ATXN1: variants seen among roughly 807,000 people sequenced by gnomAD.
ATXN1 encodes the protein ataxin-1.
A neutral mutation model predicts 56.4 loss-of-function variants in ATXN1; 8 were observed. The observed-to-expected ratio is 0.14, with a 90% CI of 0.08 to 0.26. The LOEUF is 0.26. Ranked by LOEUF, ATXN1 falls within the 10% of genes least tolerant of loss-of-function variation. The pLI is 1.00. For missense variants in ATXN1, 987 were observed against 1,106.5 expected, an observed-to-expected ratio of 0.89 and a Z score of 1.53; for synonymous variants, 514 against 494.6, an observed-to-expected ratio of 1.04 and a Z score of -0.52.
At chr6:16,727,846 C>G (rs551800034) in intron 2 of ATXN1, among the ~76,000 whole-genome samples, 1 of 152,190 alleles carries the variant, frequency 6.6e-6, no homozygotes, top group Non-Finnish European at 1.5e-5. Context: ...TCGTCAGAGA[C>G]CGTTTCCTCC....
rs151067716 is a variant in ATXN1 at position 16,682,045 on chromosome 6, G to T, written c.-614-24144C>A. Among the ~76,000 whole-genome samples the T allele has an allele frequency of 7.9e-5, 12 of 152,040 alleles. No individual in the cohort carries two copies. The East Asian group carries it at 2.3e-3, about 29-fold the overall frequency. ...CTTGGTTAGCCGCTGTTCTCCTTCC[G>T]AATGCCCCCATACCTGCCAACATCT... On this transcript the variant is annotated intron_variant, in intron 2 of 7. Transcript: ENST00000436367.
intron 3 of ATXN1, among the ~76,000 whole-genome samples, chr6:16,617,331 A>C (rs188416699): frequency 5.3e-5 from 8 of 152,300 alleles, no homozygotes; most frequent in Admixed American, 3.9e-4. Flanking sequence ...CTATTAAATT[A>C]AATTTTATTT....
intron 4 of ATXN1, among the ~76,000 whole-genome samples, chr6:16,543,631 C>CCAAA: frequency 1.6e-5 from 1 of 62,118 alleles, no homozygotes; most frequent in East Asian, 1.1e-3. Context: ...AGCTATTTTC[C>CCAAA]TAAAAAAAAA....
At chr6:16,581,195 C>CTGTGTGTGTGTGTGTG (rs60028007) in intron 4 of ATXN1, among the ~76,000 whole-genome samples, 23 of 140,258 alleles carry the variant, frequency 1.6e-4, no homozygotes, top group African/African-American at 5.9e-4. Context: ...CGAGAATGCA[C>CTGTGTGTGTGTGTGTG]TGTGTGTGTG....
chr6:16,415,653 C>T (rs1020903175), intron 6 of ATXN1, among the ~76,000 whole-genome samples: 1 of 152,244 alleles, frequency 6.6e-6, no homozygotes, highest in Admixed American at 6.5e-5. Flanking sequence ...CTGCCTGGTT[C>T]TCGGCTCACA....
chr6:16,364,497 G>A (rs1179148925), intron 6 of ATXN1, among the ~76,000 whole-genome samples: 1 of 152,056 alleles, frequency 6.6e-6, no homozygotes, highest in African/African-American at 2.4e-5. Flanking sequence ...TAGAGATAGG[G>A]TTTCACTGTG....
intron 3 of ATXN1, among the ~76,000 whole-genome samples, chr6:16,622,257 GTAATGCAA>G (rs1763331721): frequency 6.6e-6 from 1 of 152,202 alleles, no homozygotes; most frequent in Admixed American, 6.5e-5. Context: ...TTATTTTAGA[GTAATGCAA>G]AGACCCTGAG....
intron 5 of ATXN1, among the ~76,000 whole-genome samples, chr6:16,490,106 T>C (rs1412030519): frequency 6.8e-6 from 1 of 147,464 alleles, no homozygotes; most frequent in African/African-American, 2.5e-5. Context: ...CAATGATACC[T>C]GTCTATTTCA....
chr6:16,484,977 G>A lies in ATXN1; in HGVS notation c.-161+995C>T, dbSNP rs567955258. ...TGTGTGTGTGTGTGTGTGTGTGTGT[G>A]TGTGTGTGTGTGTGTACACGCACAC... On this transcript the variant is annotated intron_variant, in intron 6 of 7. Transcript: ENST00000436367. 2.6e-4 allele frequency among the ~76,000 whole-genome samples: 35 copies of A among 136,470 alleles called. 1 individual carries two copies. Among genetic ancestry groups the A allele is most frequent in the African/African-American group, 8.0e-4 (31 of 38,846 alleles). 89.5% of individuals were successfully genotyped at this position (136,470 alleles called of 152,430 possible). A position where few individuals can be genotyped will look rare whatever the true frequency, so the allele number is the denominator to read the frequency against.
At position 16,545,797 on chromosome 6, in the gene ATXN1, G is replaced by A. The variant is rs1033937272; in HGVS notation, c.-360-23109C>T. Among the ~76,000 whole-genome samples, 3 of 152,330 alleles carry A rather than the reference G, an allele frequency of 2.0e-5. No homozygotes were observed. In the East Asian group the frequency reaches 5.8e-4, roughly 29 times the overall value. Reference sequence around the variant, plus strand: ...TGGCACTTGGTAGCAAAGAAAGCCTGAAAATATTCACATTTAGTGAATGCA... The same window carrying A: ...TGGCACTTGGTAGCAAAGAAAGCCTAAAAATATTCACATTTAGTGAATGCA... On this transcript the variant is annotated intron_variant, in intron 4 of 7. Transcript: ENST00000436367.
At chr6:16,414,698 T>C (rs753728395) in intron 6 of ATXN1, among the ~76,000 whole-genome samples, 18 of 152,228 alleles carry the variant, frequency 1.2e-4, no homozygotes, top group Non-Finnish European at 2.9e-5. Flanking sequence ...GCCTTTTTAT[T>C]TGAGTTTATC....
At chr6:16,593,153 G>T (rs1369140910) in intron 3 of ATXN1, among the ~76,000 whole-genome samples, 1 of 152,054 alleles carries the variant, frequency 6.6e-6, no homozygotes, top group African/African-American at 2.4e-5. Context: ...TAATACCCTT[G>T]GAAGACAGAA....
intron 2 of ATXN1, among the ~76,000 whole-genome samples, chr6:16,749,749 G>A (rs915142300): frequency 6.6e-6 from 1 of 152,132 alleles, no homozygotes; most frequent in Non-Finnish European, 1.5e-5. Flanking sequence ...ACCAGCTGAC[G>A]TCATCCCTGA....
chr6:16,411,139 A>AAG (rs1345169055), intron 6 of ATXN1, among the ~76,000 whole-genome samples: 12 of 149,492 alleles, frequency 8.0e-5, no homozygotes, highest in Non-Finnish European at 1.5e-4. Flanking sequence ...AAAAAAAAAA[A>AAG]AAAAAAGAAA....
At position 16,410,779 on chromosome 6, in the gene ATXN1, C is replaced by G. The variant is rs1758781015; in HGVS notation, c.-161+75193G>C. Among the ~76,000 whole-genome samples, 1 of 152,166 alleles carries G rather than the reference C, an allele frequency of 6.6e-6. No individual in the cohort carries two copies. Among genetic ancestry groups the G allele is most frequent in the Middle Eastern group, 3.2e-3 (1 of 316 alleles). On this transcript the variant is annotated intron_variant, in intron 6 of 7. Transcript: ENST00000436367. This position sits in a 1 kb window ranked among gnomAD's most constrained non-coding sequence, Gnocchi z 4.6. ...AAGTGAATTTGAAGTTAAGTCTCCT[C>G]TTAGTGTAGCAGTACGTATTTTGAA... is the stretch of plus-strand genomic sequence containing the variant.
At chr6:16,427,576 C>G (rs1759183945) in intron 6 of ATXN1, among the ~76,000 whole-genome samples, 1 of 152,194 alleles carries the variant, frequency 6.6e-6, no homozygotes, top group Non-Finnish European at 1.5e-5. Flanking sequence ...TTTTTCCACA[C>G]TTTCATTTGC....
chr6:16,617,999 G>T (rs1763250821), intron 3 of ATXN1, among the ~76,000 whole-genome samples: 1 of 151,312 alleles, frequency 6.6e-6, no homozygotes, highest in Non-Finnish European at 1.5e-5. Flanking sequence ...AATAAATTGT[G>T]GGTAAATAGT....
At chr6:16,650,852 C>T (rs1329967411) in intron 3 of ATXN1, among the ~76,000 whole-genome samples, 2 of 152,212 alleles carry the variant, frequency 1.3e-5, no homozygotes, top group African/African-American at 4.8e-5. Flanking sequence ...AAATCCTCTC[C>T]AACCACACAA....
intron 6 of ATXN1, among the ~76,000 whole-genome samples, chr6:16,382,431 C>T (rs893872045): frequency 6.6e-6 from 1 of 152,028 alleles, no homozygotes. Context: ...CCAGTGCTCT[C>T]CAGCCTGGGT....
Sources: allele counts gnomAD v4.1 joint callset (sites outside exome capture counted in the v4.1 genomes callset), GRCh38; gene constraint gnomAD v4.1.1; non-coding constraint Gnocchi (gnomAD v3.1); transcripts MANE v1.5; gene names NCBI Gene and HGNC (gene_info 2026-07-23, HGNC 2026-07-21).